TENM3: variants seen among roughly 807,000 people sequenced by gnomAD.
The protein encoded by TENM3 is teneurin-3.
Under a neutral mutation model 255.1 loss-of-function variants are expected in TENM3, and 63 were observed. The observed-to-expected ratio is 0.25, with a 90% CI of 0.20 to 0.30. The LOEUF (loss-of-function observed/expected upper bound fraction) is 0.30, where lower values mean the gene tolerates loss of function less well. Among genes scored for constraint, TENM3 ranks in the 10% least tolerant of loss-of-function variants. TENM3 has a pLI of 1.00. For missense variants in TENM3, 2,929 were observed against 3,461.1 expected (o/e 0.85, Z 3.86); for synonymous variants, 1,306 against 1,322.3 (o/e 0.99, Z 0.27).
chr4:182,238,860 G>A (rs369303892), upstream of TENM3, among the ~76,000 whole-genome samples: 23 of 152,058 alleles, frequency 1.5e-4, no homozygotes, highest in African/African-American at 5.1e-4. Context: ...TACCTACCGC[G>A]GTGACTCATT....
chr4:182,552,962 G>T (rs993488903), intron 3 of TENM3, among the ~76,000 whole-genome samples: 4 of 152,158 alleles, frequency 2.6e-5, no homozygotes, highest in Non-Finnish European at 4.4e-5. Context: ...GCTTGACTAG[G>T]GAGCGAGCCA....
At chr4:181,611,855 C>G in the TENM3 span, among the ~76,000 whole-genome samples, 1 of 152,242 alleles carries the variant, frequency 6.6e-6, no homozygotes, top group Non-Finnish European at 1.5e-5. Context: ...CTAAAAGACA[C>G]ATTTGATCAC....
At chr4:182,441,949 C>T (rs1772523730) in intron 3 of TENM3, among the ~76,000 whole-genome samples, 1 of 152,112 alleles carries the variant, frequency 6.6e-6, no homozygotes. Flanking sequence ...GACAAGTAGA[C>T]AGGGAGCAGA....
chr4:182,332,719 A>C (rs1463512715), intron 2 of TENM3, among the ~76,000 whole-genome samples: 4 of 151,964 alleles, frequency 2.6e-5, no homozygotes, highest in Admixed American at 2.6e-4. Context: ...AAAAAAAAAA[A>C]AAGACAAGAA....
At chr4:181,843,910 C>T in the TENM3 span, among the ~76,000 whole-genome samples, 4 of 151,772 alleles carry the variant, frequency 2.6e-5, no homozygotes, top group African/African-American at 7.3e-5. Flanking sequence ...AGTAGAGACA[C>T]GGTTTCACCA....
At position 182,704,306 on chromosome 4, in the gene TENM3, A is replaced by T. The variant is rs375711228; in HGVS notation, c.2222-9781A>T. Among the ~76,000 whole-genome samples, 24 of 152,316 alleles carry T rather than the reference A, an allele frequency of 1.6e-4. No homozygotes were observed. The East Asian group carries it at 4.1e-3, about 26-fold the overall frequency. ...GCATCTCTTTGCATAGGCTATGCAC[A>T]TCCCAACATCAGTGAGCCTGCCTTC... On this transcript the variant is annotated intron_variant, in intron 12 of 27. Transcript: ENST00000511685.
At chr4:182,160,703 C>T (rs924312045) in intron 1 of TENM3, among the ~76,000 whole-genome samples, 1 of 152,110 alleles carries the variant, frequency 6.6e-6, no homozygotes, top group Non-Finnish European at 1.5e-5. Context: ...GAAGGGGAGA[C>T]GTTGGTCAAA....
the TENM3 span, among the ~76,000 whole-genome samples, chr4:182,048,045 G>A: frequency 6.6e-6 from 1 of 152,162 alleles, no homozygotes; most frequent in South Asian, 2.1e-4. Flanking sequence ...TCTTTAATGT[G>A]CCCTGATAAT....
At chr4:182,612,265 C>T (rs908768702) in intron 4 of TENM3, among the ~76,000 whole-genome samples, 11 of 144,284 alleles carry the variant, frequency 7.6e-5, no homozygotes, top group Admixed American at 2.1e-4. Context: ...GAGCGAGACT[C>T]GGTCTCAAAA....
intron 3 of TENM3, among the ~76,000 whole-genome samples, chr4:182,512,028 C>G (rs1737451543): frequency 6.6e-6 from 1 of 152,162 alleles, no homozygotes; most frequent in Non-Finnish European, 1.5e-5. Flanking sequence ...CCAGGTAGAT[C>G]AGACATTCTC....
At chr4:181,546,403 T>A in the TENM3 span, among the ~76,000 whole-genome samples, 1 of 152,098 alleles carries the variant, frequency 6.6e-6, no homozygotes, top group African/African-American at 2.4e-5. Context: ...GTTATTTTAG[T>A]AAAAAGCTAT....
At chr4:182,384,620 A>C (rs1365192277) in intron 3 of TENM3, among the ~76,000 whole-genome samples, 1 of 152,184 alleles carries the variant, frequency 6.6e-6, no homozygotes, top group Non-Finnish European at 1.5e-5. Context: ...TGCCAGCAAC[A>C]TAATAGATGA....
chr4:182,374,369 T>C (rs968633823), intron 3 of TENM3, among the ~76,000 whole-genome samples: 1 of 152,192 alleles, frequency 6.6e-6, no homozygotes, highest in Admixed American at 6.5e-5. Flanking sequence ...CAATATAAAT[T>C]GTACACTAAA....
chr4:181,564,042 T>C, the TENM3 span, among the ~76,000 whole-genome samples: 1 of 142,062 alleles, frequency 7.0e-6, no homozygotes. Context: ...TCTTTTTTCT[T>C]TTTTTTTTTT....
chr4:182,169,383 A>C, intron 1 of TENM3: 1 of 451,924 alleles, frequency 2.2e-6, no homozygotes, highest in Non-Finnish European at 4.5e-6. Context: ...TTCTCCCAAA[A>C]ATTCAAGTAA....
intron 1 of TENM3, among the ~76,000 whole-genome samples, chr4:182,219,727 A>G (rs1301946574): frequency 2.6e-5 from 4 of 152,210 alleles, no homozygotes; most frequent in African/African-American, 9.6e-5. Flanking sequence ...TTAAAATCCA[A>G]TTTTAAAATA....
At chr4:181,605,562 G>GAAAGA in the TENM3 span, among the ~76,000 whole-genome samples, 4 of 27,268 alleles carry the variant, frequency 1.5e-4, no homozygotes, top group African/African-American at 3.3e-4. Flanking sequence ...AAGAAAGAAA[G>GAAAGA]AAAGAAAGAG....
chr4:182,532,332 T>C (rs1391690504), intron 3 of TENM3, among the ~76,000 whole-genome samples: 1 of 152,192 alleles, frequency 6.6e-6, no homozygotes, highest in Non-Finnish European at 1.5e-5. Context: ...GTACCTAGAA[T>C]AGTGACTGAC....
intron 1 of TENM3, among the ~76,000 whole-genome samples, chr4:182,287,902 G>A (rs1375527828): frequency 6.7e-6 from 1 of 149,674 alleles, no homozygotes; most frequent in Non-Finnish European, 1.5e-5. Flanking sequence ...CAGGCGTGAG[G>A]TACCGTGCCT....
Sources: gnomAD v4.1 joint callset for allele counts (sites outside exome capture counted in the v4.1 genomes callset) on GRCh38, gnomAD v4.1.1 for gene constraint, MANE v1.5 for transcripts, NCBI Gene and HGNC (gene_info 2026-07-23, HGNC 2026-07-21) for gene names.